PPP2R1B: variants seen among roughly 807,000 people sequenced by gnomAD.
PPP2R1B encodes serine/threonine-protein phosphatase 2A 65 kDa regulatory subunit A beta isoform.
In PPP2R1B, 58 loss-of-function variants were observed where a neutral mutation model predicts 72.7. The ratio of observed to expected loss-of-function variants is 0.80; its 90% CI spans 0.65 to 0.99. The LOEUF (loss-of-function observed/expected upper bound fraction) is 0.99. Ranked by LOEUF, PPP2R1B falls within the 50% of genes least tolerant of loss-of-function variation. The probability of loss-of-function intolerance (pLI) is 0.00; values close to 1 mark genes in which losing one functional copy is unlikely to be tolerated. For synonymous variants in PPP2R1B, 256 were observed against 264.6 expected (o/e 0.97, Z 0.32); for missense variants, 695 against 733.6 (o/e 0.95, Z 0.61).
chr11:111,702,021 A>C, the PPP2R1B span, among the ~76,000 whole-genome samples: 2 of 152,212 alleles, frequency 1.3e-5, no homozygotes, highest in African/African-American at 4.8e-5. Context: ...TGTTACCTAG[A>C]TAGCAGTTAA....
the PPP2R1B span, among the ~76,000 whole-genome samples, chr11:111,697,837 G>A: frequency 7.4e-3 from 1,121 of 151,862 alleles, 8 homozygotes; most frequent in Middle Eastern, 0.054. Flanking sequence ...CCCAAAAAAA[G>A]GAAAAGAAAA....
chr11:111,706,130 G>T, the PPP2R1B span, among the ~76,000 whole-genome samples: 1 of 152,304 alleles, frequency 6.6e-6, no homozygotes, highest in South Asian at 2.1e-4. Context: ...GTGTGTAATG[G>T]GGATAATAAT....
chr11:111,693,364 G>A, the PPP2R1B span, among the ~76,000 whole-genome samples: 1 of 151,800 alleles, frequency 6.6e-6, no homozygotes, highest in Non-Finnish European at 1.5e-5. Flanking sequence ...ACACTAATGA[G>A]CCATGGATTC....
At chr11:111,748,346 G>A (rs1226839937) in intron 10 of PPP2R1B, among the ~76,000 whole-genome samples, 1 of 152,218 alleles carries the variant, frequency 6.6e-6, no homozygotes, top group African/African-American at 2.4e-5. Context: ...CTGTAAAAAT[G>A]AATTACCCAG....
chr11:111,691,211 T>C, the PPP2R1B span, among the ~76,000 whole-genome samples: 1 of 152,224 alleles, frequency 6.6e-6, no homozygotes, highest in African/African-American at 2.4e-5. Flanking sequence ...CTTTTTGGTT[T>C]TTATTTTTGC....
downstream of PPP2R1B, chr11:111,737,403 G>C: frequency 6.2e-7 from 1 of 1,613,396 alleles, no homozygotes; most frequent in Non-Finnish European, 8.5e-7. Flanking sequence ...CTGGCTGCCC[G>C]CAGCCCTGAG....
the PPP2R1B span, among the ~76,000 whole-genome samples, chr11:111,700,285 A>T: frequency 6.6e-6 from 1 of 152,172 alleles, no homozygotes; most frequent in South Asian, 2.1e-4. Flanking sequence ...AGTGATGGTG[A>T]TAGGTGGCTT....
the PPP2R1B span, chr11:111,701,466 T>G: frequency 6.2e-7 from 1 of 1,613,890 alleles, no homozygotes; most frequent in South Asian, 1.1e-5. The surrounding 1 kb of genome is among the most constrained non-coding windows in gnomAD (Gnocchi z 4.2). Context: ...TGGGAGTTGT[T>G]CTTTATGTCC....
In PPP2R1B at chr11:111,739,650, T is replaced by C; in HGVS notation, c.*1946A>G. 2.0e-6 allele frequency: 2 copies of C among 985,420 alleles called. No homozygotes were observed. The highest frequency in any genetic ancestry group is 2.4e-6 in the Non-Finnish European group (2 of 829,930). The allele number at this position is 985,420 out of a possible 1,614,324, so 61.0% of individuals were successfully genotyped here. A position where few individuals can be genotyped will look rare whatever the true frequency, so the allele number is the denominator to read the frequency against. The stretch of plus-strand genomic sequence containing the variant: ...AAAGTCTGTCCCCAAAACAATGGCA[T>C]TTCCAACCAGAGTAAAGCAATGGTT... On this transcript the variant is annotated 3_prime_UTR_variant, in exon 15 of 15. Coordinates refer to ENST00000527614, the MANE Select transcript of PPP2R1B (RefSeq NM_002716.5).
chr11:111,752,059 A>G, intron 10 of PPP2R1B, 100 bp downstream of exon 10: 2 of 1,307,724 alleles, frequency 1.5e-6, no homozygotes, highest in Non-Finnish European at 2.1e-6. Flanking sequence ...TCATGCATCT[A>G]AACAAACATA....
chr11:111,735,507 C>T (rs140426322), downstream of PPP2R1B, among the ~76,000 whole-genome samples: 71 of 152,312 alleles, frequency 4.7e-4, no homozygotes, highest in Non-Finnish European at 7.4e-4. Context: ...GCCGGACCCG[C>T]GGCAGCAAGG....
chr11:111,766,371 C>T lies in PPP2R1B; in HGVS notation c.-10G>A, dbSNP rs781929269. The T allele has an allele frequency of 6.2e-7, 1 of 1,604,436 alleles. No homozygotes were observed. The highest frequency in any genetic ancestry group is 2.2e-5 in the East Asian group (1 of 44,564). ...CTGATGCGCCCGCCATGTTCTTTCT[C>T]CTCCTGCTGCTGGTCACCGCCTCCC... On this transcript the variant is annotated 5_prime_UTR_variant, in exon 1 of 15. Transcript: ENST00000527614.
chr11:111,712,210 G>T, the PPP2R1B span: 1 of 1,613,994 alleles, frequency 6.2e-7, no homozygotes, highest in Non-Finnish European at 8.5e-7. Context: ...CATATTTACA[G>T]GCACAGACTG....
the PPP2R1B span, among the ~76,000 whole-genome samples, chr11:111,694,964 T>C: frequency 6.6e-6 from 1 of 152,220 alleles, no homozygotes; most frequent in African/African-American, 2.4e-5. Context: ...CCTTCCCTCC[T>C]GTCAGATGGG....
At chr11:111,749,685 G>C (rs1944831771) in intron 10 of PPP2R1B, among the ~76,000 whole-genome samples, 1 of 152,116 alleles carries the variant, frequency 6.6e-6, no homozygotes, top group Admixed American at 6.5e-5. Context: ...ATGACTATCT[G>C]ATATAAAAAT....
chr11:111,712,282 C>G, the PPP2R1B span: 14 of 1,614,124 alleles, frequency 8.7e-6, no homozygotes, highest in South Asian at 2.2e-5. Flanking sequence ...CCCTCCTCCC[C>G]CAGGCATCCA....
At chr11:111,726,517 GCTTAT>G (rs138807790), downstream of PPP2R1B, 1,076 of 161,144 alleles carry the variant, frequency 6.7e-3, 6 homozygotes, top group Middle Eastern at 0.049. Context: ...GCTCCTATTT[GCTTAT>G]CTTGTTTATT....
the PPP2R1B span, chr11:111,701,718 C>A: frequency 7.9e-6 from 8 of 1,009,884 alleles, 1 homozygote; most frequent in South Asian, 1.3e-4. The surrounding 1 kb of genome is among the most constrained non-coding windows in gnomAD (Gnocchi z 4.2). Flanking sequence ...TAGAAAGAAG[C>A]AACCTCCTTT....
intron 11 of PPP2R1B, among the ~76,000 whole-genome samples, chr11:111,747,744 A>G (rs1268533402): frequency 6.6e-6 from 1 of 152,240 alleles, no homozygotes; most frequent in Non-Finnish European, 1.5e-5. Flanking sequence ...ATGCAAATAA[A>G]TTGTTTAATG....
Sources: allele counts gnomAD v4.1 joint callset (sites outside exome capture counted in the v4.1 genomes callset), GRCh38; gene constraint gnomAD v4.1.1; non-coding constraint Gnocchi (gnomAD v3.1); transcripts MANE v1.5; gene names NCBI Gene and HGNC (gene_info 2026-07-23, HGNC 2026-07-21).